TIAM1: variants seen among roughly 807,000 people sequenced by gnomAD.
TIAM1 encodes TIAM Rac1 associated GEF 1.
In TIAM1, 65 loss-of-function variants were observed where a neutral mutation model predicts 163.5. That is an observed-to-expected ratio of 0.40 (90% confidence interval 0.33 to 0.49). TIAM1 has a LOEUF of 0.49. TIAM1 is among the 20% of genes least tolerant of loss of function. The pLI is 0.77. For synonymous variants in TIAM1, 833 were observed against 810.1 expected, an observed-to-expected ratio of 1.03 and a Z score of -0.48; for missense variants, 1,789 against 2,044.7, an observed-to-expected ratio of 0.87 and a Z score of 2.41.
intron 2 of TIAM1, among the ~76,000 whole-genome samples, chr21:31,327,815 G>C (rs1277328458): frequency 1.3e-5 from 2 of 152,044 alleles, no homozygotes; most frequent in Non-Finnish European, 2.9e-5. Flanking sequence ...GGCTTACTGA[G>C]AACCATGGTC....
intron 6 of TIAM1, among the ~76,000 whole-genome samples, chr21:31,241,345 C>T (rs569381344): frequency 1.3e-5 from 2 of 152,132 alleles, no homozygotes; most frequent in South Asian, 4.1e-4. Flanking sequence ...GAGATGAAGG[C>T]TAAGGCAGAG....
At chr21:31,273,310 A>G (rs1179939576) in intron 3 of TIAM1, among the ~76,000 whole-genome samples, 1 of 152,062 alleles carries the variant, frequency 6.6e-6, no homozygotes, top group Non-Finnish European at 1.5e-5. Context: ...TGGAGATCTT[A>G]GAGAAAAGAG....
intron 3 of TIAM1, among the ~76,000 whole-genome samples, chr21:31,272,994 A>C (rs2073130577): frequency 6.6e-6 from 1 of 152,246 alleles, no homozygotes; most frequent in Non-Finnish European, 1.5e-5. Context: ...GGTGCCAGCA[A>C]GTTGGAGTAA....
intron 17 of TIAM1, among the ~76,000 whole-genome samples, 166 bp from the exon 18 acceptor site, chr21:31,153,300 T>C (rs907754103): frequency 6.6e-6 from 1 of 152,158 alleles, no homozygotes; most frequent in Non-Finnish European, 1.5e-5. Context: ...TAAGGTCCAT[T>C]TCATGCAGGA....
At chr21:31,184,927 T>C (rs1465831353) in intron 14 of TIAM1, among the ~76,000 whole-genome samples, 3 of 152,160 alleles carry the variant, frequency 2.0e-5, no homozygotes, top group Admixed American at 2.0e-4. Context: ...GCTTTTCCAG[T>C]GTTTACAGGA....
At chr21:31,333,235 G>A (rs2075733718) in intron 2 of TIAM1, among the ~76,000 whole-genome samples, 1 of 152,184 alleles carries the variant, frequency 6.6e-6, no homozygotes. Context: ...CCTGGGGGCT[G>A]CTGAGCCTAG....
intron 6 of TIAM1, among the ~76,000 whole-genome samples, chr21:31,240,584 C>A (rs2071114381): frequency 6.6e-6 from 1 of 152,214 alleles, no homozygotes; most frequent in Non-Finnish European, 1.5e-5. Context: ...AGAACCATCA[C>A]TAAGCGACCT....
intron 1 of TIAM1, among the ~76,000 whole-genome samples, chr21:31,483,916 C>T (rs780553810): frequency 6.6e-6 from 1 of 152,132 alleles, no homozygotes; most frequent in Admixed American, 6.5e-5. Context: ...AAATCCAATG[C>T]CATAGGCTGA....
chr21:31,503,318 C>T (rs2046909090), intron 1 of TIAM1, among the ~76,000 whole-genome samples: 1 of 151,076 alleles, frequency 6.6e-6, no homozygotes, highest in African/African-American at 2.4e-5. Context: ...TCACTTGAAC[C>T]CGGGAGGTGG....
At chr21:31,452,844 A>C (rs183574559) in intron 2 of TIAM1, 1 of 526,136 alleles carries the variant, frequency 1.9e-6, no homozygotes, top group East Asian at 5.5e-5. Flanking sequence ...TACGATAGTC[A>C]AAGACTATCA....
At chr21:31,160,877 G>A in intron 16 of TIAM1, 1 of 184,302 alleles carries the variant, frequency 5.4e-6, no homozygotes, top group Non-Finnish European at 1.1e-5. Flanking sequence ...AGAAAACAAA[G>A]CACAAAATGC....
intron 1 of TIAM1, among the ~76,000 whole-genome samples, chr21:31,518,583 G>A (rs117289149): frequency 0.06 from 9,123 of 152,146 alleles, 497 homozygotes; most frequent in Admixed American, 0.16. Flanking sequence ...CACTGCGCCC[G>A]GCCCTAAATG....
At chr21:31,281,085 C>CAAAAAAAAAA (rs748020575) in intron 2 of TIAM1, among the ~76,000 whole-genome samples, 1 of 63,758 alleles carries the variant, frequency 1.6e-5, no homozygotes, top group African/African-American at 5.9e-5. Flanking sequence ...GACCCTAACT[C>CAAAAAAAAAA]AAAAAAAAAA....
intron 3 of TIAM1, among the ~76,000 whole-genome samples, chr21:31,270,098 T>C (rs1026949570): frequency 1.3e-5 from 2 of 152,264 alleles, no homozygotes; most frequent in African/African-American, 4.8e-5. Flanking sequence ...CAAAACCTGA[T>C]TTGCATTTTA....
chr21:31,158,200 T>C (rs543202839), intron 16 of TIAM1, among the ~76,000 whole-genome samples: 147 of 152,272 alleles, frequency 9.7e-4, no homozygotes, highest in Non-Finnish European at 1.8e-3. Context: ...AATTCAGCTG[T>C]CTCCTAGGCC....
At chr21:31,448,751 CAG>C (rs1170941108) in intron 2 of TIAM1, among the ~76,000 whole-genome samples, 2 of 152,102 alleles carry the variant, frequency 1.3e-5, no homozygotes, top group African/African-American at 4.8e-5. Flanking sequence ...ACTCCACAAT[CAG>C]AACTGTGGCA....
At position 31,391,233 on chromosome 21, in the gene TIAM1, A is replaced by G. The variant is rs566321597; in HGVS notation, c.-368-51811T>C. Among the ~76,000 whole-genome samples, 5 of 152,280 alleles carry G rather than the reference A, an allele frequency of 3.3e-5. 1 individual carries two copies. Among genetic ancestry groups the G allele is most frequent in the South Asian group, 4.1e-4 (2 of 4,822 alleles). ...GAGCCAGGGGTGGGAGGATAAGGAA[A>G]GGTCATGGCTGGGGCTGGCTTTTCC... On this transcript the variant is annotated intron_variant, in intron 2 of 28. Transcript: ENST00000286827.
intron 3 of TIAM1, among the ~76,000 whole-genome samples, chr21:31,274,348 A>G (rs2073196844): frequency 6.6e-6 from 1 of 152,226 alleles, no homozygotes; most frequent in Non-Finnish European, 1.5e-5. Flanking sequence ...TCCAGTTAAT[A>G]GAAAGCCACC....
intron 1 of TIAM1, among the ~76,000 whole-genome samples, chr21:31,520,360 T>A (rs913645454): frequency 1.3e-5 from 2 of 151,358 alleles, no homozygotes; most frequent in African/African-American, 2.4e-5. Context: ...ATGGTTACAA[T>A]GACAAACGAT....
Sources: allele counts gnomAD v4.1 joint callset (sites outside exome capture counted in the v4.1 genomes callset), GRCh38; gene constraint gnomAD v4.1.1; transcripts MANE v1.5; gene names NCBI Gene and HGNC (gene_info 2026-07-23, HGNC 2026-07-21).